IL1RAPL2: variants seen among roughly 807,000 people sequenced by gnomAD.
IL1RAPL2 encodes interleukin 1 receptor accessory protein like 2, also known as X-linked interleukin-1 receptor accessory protein-like 2.
In IL1RAPL2, 3 loss-of-function variants were observed where a neutral mutation model predicts 44.1. The ratio of observed to expected loss-of-function variants is 0.07; its 90% CI spans 0.03 to 0.18. The LOEUF (loss-of-function observed/expected upper bound fraction) is 0.18. Ranked by LOEUF, IL1RAPL2 falls within the 10% of genes least tolerant of loss-of-function variation. IL1RAPL2 has a pLI of 1.00. For missense variants in IL1RAPL2, 391 were observed against 496.4 expected (o/e 0.79, Z 2.02); for synonymous variants, 181 against 178.8 (o/e 1.01, Z -0.10).
In IL1RAPL2 at chrX:104,869,437, T is replaced by A. The variant is rs181153628; in HGVS notation, c.82+210442T>A. On this transcript the variant is annotated intron_variant, in intron 2 of 10. Coordinates refer to ENST00000372582, the MANE Select transcript of IL1RAPL2 (RefSeq NM_017416.2). ...AGTCATCTTCCTGTCTTAATATATA[T>A]TTTAATAAAAACTTCTTCCTTTTAA... Among the ~76,000 whole-genome samples, 300 of 111,986 alleles carry A rather than the reference T, an allele frequency of 2.7e-3. 2 individuals carry two copies. The highest frequency in any genetic ancestry group is 9.3e-3 in the African/African-American group (287 of 30,903).
intron 2 of IL1RAPL2, among the ~76,000 whole-genome samples, chrX:105,172,613 T>A (rs2033433779): frequency 9.0e-6 from 1 of 111,330 alleles, no homozygotes; most frequent in African/African-American, 3.3e-5. Flanking sequence ...TTACATAGAG[T>A]CCCTATTGTA....
intron 2 of IL1RAPL2, among the ~76,000 whole-genome samples, chrX:105,089,083 A>T (rs1403772659): frequency 9.0e-6 from 1 of 111,585 alleles, no homozygotes; most frequent in Non-Finnish European, 1.9e-5. Context: ...TATGAAAAGG[A>T]TGGAACTTTG....
chrX:104,767,881 G>T (rs1487040570), intron 2 of IL1RAPL2, among the ~76,000 whole-genome samples: 3 of 111,729 alleles, frequency 2.7e-5, no homozygotes, highest in Non-Finnish European at 5.6e-5. Flanking sequence ...TCAAAATAAA[G>T]GACAGGAATC....
intron 6 of IL1RAPL2, among the ~76,000 whole-genome samples, chrX:105,621,119 CTCT>C (rs1212119217): frequency 9.0e-6 from 1 of 111,473 alleles, no homozygotes; most frequent in African/African-American, 3.3e-5. Context: ...CCTGTAGTTT[CTCT>C]TCTTCTATCA....
chrX:105,270,977 T>A (rs904715898), intron 5 of IL1RAPL2, among the ~76,000 whole-genome samples: 1 of 112,155 alleles, frequency 8.9e-6, no homozygotes, highest in African/African-American at 3.2e-5. Flanking sequence ...ACTATTCTTT[T>A]TAAATTTATG....
At chrX:105,022,514 C>T (rs1282432673) in intron 2 of IL1RAPL2, among the ~76,000 whole-genome samples, 7 of 111,544 alleles carry the variant, frequency 6.3e-5, no homozygotes, top group Non-Finnish European at 1.1e-4. Context: ...AAACTTAACA[C>T]TCTAGGTTAC....
chrX:105,728,661 T>G (rs747364788), intron 7 of IL1RAPL2, among the ~76,000 whole-genome samples: 11 of 111,585 alleles, frequency 9.9e-5, no homozygotes, highest in African/African-American at 3.6e-4. Context: ...AGTTTCCCAT[T>G]TTGTTAATGT....
rs183614252 is a variant in IL1RAPL2, at chrX:105,580,252, C to T, written c.772+95865C>T. On this transcript the variant is annotated intron_variant, in intron 6 of 10. Transcript: ENST00000372582. Reference sequence around the variant, plus strand: ...AAAGAGATTTTAAATGGGCAGCCTCCGTTATATATAAAGAAATAGACTTGG... The same window carrying T: ...AAAGAGATTTTAAATGGGCAGCCTCTGTTATATATAAAGAAATAGACTTGG... 2.6e-4 allele frequency among the ~76,000 whole-genome samples: 29 copies of T among 110,834 alleles called. No homozygotes were observed. In the East Asian group the frequency reaches 5.9e-3, roughly 23 times the overall value.
At chrX:105,519,109 T>C (rs2036537213) in intron 6 of IL1RAPL2, among the ~76,000 whole-genome samples, 1 of 112,138 alleles carries the variant, frequency 8.9e-6, no homozygotes, top group Non-Finnish European at 1.9e-5. Flanking sequence ...AACACAGATC[T>C]TCTCATCCTA....
chrX:104,899,868 C>T (rs924466158), intron 2 of IL1RAPL2, among the ~76,000 whole-genome samples: 8 of 111,829 alleles, frequency 7.2e-5, no homozygotes, highest in African/African-American at 2.3e-4. Context: ...TCTATGTGCT[C>T]GTAGCACTTA....
At chrX:105,607,102 A>G (rs371865081) in intron 6 of IL1RAPL2, among the ~76,000 whole-genome samples, 39 of 111,596 alleles carry the variant, frequency 3.5e-4, no homozygotes, top group African/African-American at 1.1e-3. Context: ...AATTATCCTG[A>G]TTTGATCATT....
chrX:105,545,172 G>C (rs951763473), intron 6 of IL1RAPL2, among the ~76,000 whole-genome samples: 1 of 111,665 alleles, frequency 9.0e-6, no homozygotes, highest in South Asian at 3.7e-4. Flanking sequence ...ATTTCTTCCC[G>C]TAGTTCTGGA....
intron 2 of IL1RAPL2, among the ~76,000 whole-genome samples, chrX:104,729,489 A>G (rs1166353844): frequency 4.1e-5 from 4 of 97,213 alleles, no homozygotes; most frequent in Non-Finnish European, 8.2e-5. Context: ...CTGCAAGCTA[A>G]GAATGGATTT....
At chrX:105,139,942 C>T (rs1233610497) in intron 2 of IL1RAPL2, among the ~76,000 whole-genome samples, 1 of 112,001 alleles carries the variant, frequency 8.9e-6, no homozygotes, top group Admixed American at 9.5e-5. Context: ...AGACAGATGT[C>T]ATCTAACACA....
chrX:104,569,073 GGA>G (rs1023132269), intron 1 of IL1RAPL2, among the ~76,000 whole-genome samples: 7 of 112,426 alleles, frequency 6.2e-5, no homozygotes, highest in African/African-American at 2.3e-4. Context: ...CTGGTCTGAA[GGA>G]GAGGCAAGTT....
At chrX:104,979,064 A>G (rs997598137) in intron 2 of IL1RAPL2, among the ~76,000 whole-genome samples, 1 of 111,521 alleles carries the variant, frequency 9.0e-6, no homozygotes, top group African/African-American at 3.2e-5. Flanking sequence ...ATTATGAAAA[A>G]GTGATAAATA....
At chrX:104,944,316 A>T (rs1360042960) in intron 2 of IL1RAPL2, among the ~76,000 whole-genome samples, 1 of 112,131 alleles carries the variant, frequency 8.9e-6, no homozygotes. Context: ...AGGACATTTT[A>T]TATGAAAGTT....
At chrX:105,521,377 A>C (rs761559357) in intron 6 of IL1RAPL2, among the ~76,000 whole-genome samples, 12 of 111,412 alleles carry the variant, frequency 1.1e-4, no homozygotes, top group Non-Finnish European at 2.1e-4. Flanking sequence ...AAATGAGATC[A>C]GGGTAAAACA....
At chrX:104,802,360 C>A (rs1183992707) in intron 2 of IL1RAPL2, among the ~76,000 whole-genome samples, 6 of 89,587 alleles carry the variant, frequency 6.7e-5, no homozygotes, top group African/African-American at 8.1e-5. Flanking sequence ...AAAAAAAAAA[C>A]AAAACAAATA....
Sources: gnomAD v4.1 joint callset for allele counts (sites outside exome capture counted in the v4.1 genomes callset) on GRCh38, gnomAD v4.1.1 for gene constraint, MANE v1.5 for transcripts, NCBI Gene and HGNC (gene_info 2026-07-23, HGNC 2026-07-21) for gene names.